Variants in PEBP4 observed in about 807,000 individuals in gnomAD.
The protein encoded by PEBP4 is phosphatidylethanolamine-binding protein 4.
In PEBP4, 22 loss-of-function variants were observed where a neutral mutation model predicts 23.9. That is an observed-to-expected ratio of 0.92 (90% CI 0.66 to 1.31). PEBP4 has a LOEUF of 1.31. Among genes scored for constraint, PEBP4 ranks in the 40% most tolerant of loss-of-function variants. The pLI is 0.00. For missense variants in PEBP4, 324 were observed against 281.7 expected (o/e 1.15, Z -1.07); for synonymous variants, 112 against 99.3 (o/e 1.13, Z -0.76).
intron 4 of PEBP4, among the ~76,000 whole-genome samples, chr8:22,738,599 G>A (rs549048261): frequency 1.8e-4 from 27 of 152,074 alleles, no homozygotes; most frequent in Non-Finnish European, 3.1e-4. Flanking sequence ...CCTCAGGCTG[G>A]GTCCGAGAGG....
chr8:22,832,971 C>T (rs567173156), intron 3 of PEBP4, among the ~76,000 whole-genome samples: 7 of 152,316 alleles, frequency 4.6e-5, no homozygotes, highest in South Asian at 2.1e-4. Flanking sequence ...GGGCAGCCCC[C>T]GTGCCCCAGA....
chr8:22,720,098 G>A (rs1171308396), intron 6 of PEBP4, among the ~76,000 whole-genome samples: 3 of 152,226 alleles, frequency 2.0e-5, no homozygotes, highest in African/African-American at 7.2e-5. Flanking sequence ...GTGGGAGAAG[G>A]GAAAGAAGGC....
At chr8:22,880,541 G>C (rs1808229113) in intron 3 of PEBP4, 1 of 146,016 alleles carries the variant, frequency 6.8e-6, no homozygotes, top group Admixed American at 7.0e-5. Flanking sequence ...TTTTGTTTCT[G>C]ATGCTGAGAC....
In PEBP4 at chr8:22,920,222, A is replaced by G. The variant is rs763581316; in HGVS notation, c.220T>C (p.Trp74Arg). Reference sequence around the variant, plus strand: ...GGGAACTTGACTATCGGCTCCATCCAGGAGGTGATCTTCTGTCTGTAGTTG... The same window carrying G: ...GGGAACTTGACTATCGGCTCCATCCGGGAGGTGATCTTCTGTCTGTAGTTG... ...CNNYRQKITS[W>R]MEPIVKFPGA... Residue 74 changes from tryptophan (W) to arginine (R), a missense_variant, in exon 3 of 7, where the codon TGG becomes CGG. Trp to Arg is a moderately radical substitution (Grantham distance 101). Transcript: ENST00000256404. 3 of 1,613,296 alleles carry G rather than the reference A, an allele frequency of 1.9e-6. No homozygotes were observed. The highest frequency in any genetic ancestry group is 2.5e-6 in the Non-Finnish European group (3 of 1,179,514).
At chr8:22,935,407 T>C (rs1426708391) in intron 1 of PEBP4, among the ~76,000 whole-genome samples, 1 of 152,130 alleles carries the variant, frequency 6.6e-6, no homozygotes, top group Non-Finnish European at 1.5e-5. Flanking sequence ...TGTAGTCCCA[T>C]CCCAGCTACT....
intron 4 of PEBP4, among the ~76,000 whole-genome samples, chr8:22,801,485 A>G (rs574931537): frequency 9.9e-5 from 15 of 152,228 alleles, no homozygotes; most frequent in African/African-American, 3.6e-4. Context: ...TGGGAAGTAG[A>G]CAGGAAGATG....
chr8:22,874,088 C>T (rs1271497335), intron 3 of PEBP4, among the ~76,000 whole-genome samples: 3 of 152,078 alleles, frequency 2.0e-5, no homozygotes, highest in African/African-American at 4.8e-5. Context: ...GCCCATCCCG[C>T]AGCTGGGGCC....
chr8:22,779,310 C>T (rs1005427331), intron 4 of PEBP4, among the ~76,000 whole-genome samples: 9 of 152,152 alleles, frequency 5.9e-5, no homozygotes, highest in South Asian at 2.1e-4. Context: ...AACCCTAAGA[C>T]GGCTGTTATT....
chr8:22,802,075 C>T (rs1334527745), intron 4 of PEBP4, among the ~76,000 whole-genome samples: 2 of 152,156 alleles, frequency 1.3e-5, no homozygotes, highest in African/African-American at 2.4e-5. Flanking sequence ...GCTGCCCCTC[C>T]CCCCACCTCC....
At chr8:22,884,245 G>C (rs185049506) in intron 3 of PEBP4, 24 of 152,290 alleles carry the variant, frequency 1.6e-4, no homozygotes, top group African/African-American at 5.5e-4. Context: ...CTACCACCTA[G>C]TTAGAAGCAG....
chr8:22,932,024 G>A (rs906505619), upstream of PEBP4, among the ~76,000 whole-genome samples: 5 of 152,218 alleles, frequency 3.3e-5, no homozygotes, highest in East Asian at 1.9e-4. Context: ...TGGCTACTCC[G>A]TCATGCAATC....
intron 4 of PEBP4, among the ~76,000 whole-genome samples, chr8:22,774,165 T>G (rs1443733459): frequency 6.6e-6 from 1 of 152,240 alleles, no homozygotes; most frequent in Non-Finnish European, 1.5e-5. Flanking sequence ...GGGCTTGAAC[T>G]GGATCTGCCT....
At chr8:22,741,916 T>C (rs942182331) in intron 4 of PEBP4, among the ~76,000 whole-genome samples, 2 of 151,970 alleles carry the variant, frequency 1.3e-5, no homozygotes, top group African/African-American at 2.4e-5. Flanking sequence ...CACGAGGAGA[T>C]GGGAGGAAAG....
rs531082983 is a variant in PEBP4 at position 22,771,961 on chromosome 8, G to A, written c.358-44741C>T. Among the ~76,000 whole-genome samples the A allele has an allele frequency of 3.9e-5, 6 of 152,354 alleles. No homozygotes were observed. In the South Asian group the frequency reaches 1.2e-3, roughly 32 times the overall value. On this transcript the variant is annotated intron_variant, in intron 4 of 6. Coordinates refer to ENST00000256404, the MANE Select transcript of PEBP4 (RefSeq NM_144962.3). Reference sequence around the variant, plus strand: ...CCTGCTCTGCAGGAGCAGTCATGAAGCTATAATGCTGTCAGAGTTTTAACA... The same window carrying A: ...CCTGCTCTGCAGGAGCAGTCATGAAACTATAATGCTGTCAGAGTTTTAACA...
intron 3 of PEBP4, among the ~76,000 whole-genome samples, chr8:22,832,825 A>T (rs1414391114): frequency 6.6e-6 from 1 of 152,066 alleles, no homozygotes; most frequent in Non-Finnish European, 1.5e-5. Flanking sequence ...ATTCCTAGAG[A>T]TAGCAAACAC....
At chr8:22,789,803 C>T (rs765691381) in intron 4 of PEBP4, among the ~76,000 whole-genome samples, 12 of 152,210 alleles carry the variant, frequency 7.9e-5, no homozygotes, top group Non-Finnish European at 1.2e-4. Context: ...AATTCCTCTC[C>T]GCCTCCCACT....
At chr8:22,906,101 G>T (rs927048249) in intron 3 of PEBP4, among the ~76,000 whole-genome samples, 9 of 152,068 alleles carry the variant, frequency 5.9e-5, no homozygotes, top group Non-Finnish European at 1.2e-4. Flanking sequence ...AGGAACCTGG[G>T]GCTCTCCAGA....
intron 3 of PEBP4, among the ~76,000 whole-genome samples, chr8:22,849,087 G>A (rs1328734345): frequency 6.6e-6 from 1 of 152,194 alleles, no homozygotes; most frequent in Non-Finnish European, 1.5e-5. Flanking sequence ...TCAGTTCTGT[G>A]CTTGAGACCC....
At chr8:22,870,399 A>G (rs2128770349) in intron 3 of PEBP4, among the ~76,000 whole-genome samples, 1 of 152,350 alleles carries the variant, frequency 6.6e-6, no homozygotes, top group East Asian at 1.9e-4. Flanking sequence ...CTATGGAGAT[A>G]GTAAAATATC....
Sources: gnomAD v4.1 joint callset for allele counts (sites outside exome capture counted in the v4.1 genomes callset) on GRCh38, gnomAD v4.1.1 for gene constraint, MANE v1.5 for transcripts, NCBI Gene and HGNC (gene_info 2026-07-23, HGNC 2026-07-21) for gene names.